Variants in CREB5 observed in about 807,000 individuals in gnomAD.
The protein encoded by CREB5 is cAMP responsive element binding protein 5, also known as cyclic AMP-responsive element-binding protein 5.
In CREB5, 19 loss-of-function variants were observed where a neutral mutation model predicts 57.1. That is an observed-to-expected ratio of 0.33 (90% CI 0.23 to 0.49). The LOEUF (loss-of-function observed/expected upper bound fraction) is 0.49, where lower values mean the gene tolerates loss of function less well. Ranked by LOEUF, CREB5 falls within the 20% of genes least tolerant of loss-of-function variation. The pLI is 0.99. For missense variants in CREB5, 579 were observed against 671.6 expected, an observed-to-expected ratio of 0.86 and a Z score of 1.52; for synonymous variants, 238 against 238.3, an observed-to-expected ratio of 1.00 and a Z score of 0.01.
intron 4 of CREB5, among the ~76,000 whole-genome samples, chr7:28,539,567 T>C (rs1427257364): frequency 6.6e-6 from 1 of 152,264 alleles, no homozygotes; most frequent in Admixed American, 6.5e-5. Flanking sequence ...TTTTATTCTA[T>C]ACAAATAAAA....
intron 4 of CREB5, among the ~76,000 whole-genome samples, chr7:28,510,627 G>T (rs1792667101): frequency 6.6e-6 from 1 of 152,202 alleles, no homozygotes. Flanking sequence ...TTGGGGAAAA[G>T]TCTGTTGTAC....
At chr7:28,620,989 T>C (rs1431806341) in intron 5 of CREB5, among the ~76,000 whole-genome samples, 1 of 152,110 alleles carries the variant, frequency 6.6e-6, no homozygotes, top group Non-Finnish European at 1.5e-5. Context: ...ATCCAAAAAG[T>C]TATGTTAAAT....
intron 5 of CREB5, among the ~76,000 whole-genome samples, chr7:28,576,624 A>G (rs1220577888): frequency 6.6e-6 from 1 of 152,224 alleles, no homozygotes; most frequent in Non-Finnish European, 1.5e-5. Flanking sequence ...CTATAGCATC[A>G]CAGAGAAGTG....
In CREB5 at chr7:28,642,951, TACAC is replaced by T. The variant is rs751628412; in HGVS notation, c.464+72446_464+72449del. 7.7e-3 allele frequency among the ~76,000 whole-genome samples: 688 copies of T among 89,598 alleles called. 4 individuals are homozygous for T. The highest frequency in any genetic ancestry group is 0.022 in the African/African-American group (480 of 21,574). 58.8% of individuals were successfully genotyped at this position (89,598 alleles called of 152,430 possible). The stretch of plus-strand genomic sequence containing the variant: ...AAACAGACCGAAAGGAGGGTAGATT[TACAC>T]ACACACACACACACACACACACACA... On this transcript the variant is annotated intron_variant, in intron 5 of 10. Coordinates refer to ENST00000357727, the MANE Select transcript of CREB5 (RefSeq NM_182898.4).
In CREB5 at chr7:28,570,423, T is replaced by C. The variant is rs765095165; in HGVS notation, c.350T>C (p.Leu117Pro). The change falls in exon 5 of 11, where the codon CTT becomes CCT. Residue 117 changes from leucine (L) to proline (P), a missense_variant. This residue lies in a region of CREB5 where 459 missense variants were observed against 515.7 expected (regional missense o/e 0.89). Coordinates refer to ENST00000357727, the MANE Select transcript of CREB5 (RefSeq NM_182898.4). Reference sequence around the variant, plus strand: ...ATGACGGGGCCCGGAACTCACCAGCTTAGCAGCGCTCGGCTGCCCAACCAT... The same window carrying C: ...ATGACGGGGCCCGGAACTCACCAGCCTAGCAGCGCTCGGCTGCCCAACCAT... ...GAMTGPGTHQ[L>P]SSARLPNHDT... 3.7e-6 allele frequency: 6 copies of C among 1,614,070 alleles called. No homozygotes were observed. The African/African-American group carries it at 8.0e-5, about 22-fold the overall frequency.
intron 5 of CREB5, among the ~76,000 whole-genome samples, chr7:28,690,094 A>G (rs1242347587): frequency 6.6e-6 from 1 of 152,156 alleles, no homozygotes; most frequent in African/African-American, 2.4e-5. Context: ...AAGGGGTCTA[A>G]TGCCCTTGCC....
At chr7:28,515,657 C>T (rs757833918) in intron 4 of CREB5, among the ~76,000 whole-genome samples, 41 of 152,106 alleles carry the variant, frequency 2.7e-4, no homozygotes, top group Non-Finnish European at 5.0e-4. Context: ...TCTTTCGTTC[C>T]ACTCCTTAGG....
Position 28,435,647 on chromosome 7 carries a change from G to T in CREB5, c.3+22730G>T, listed in dbSNP as rs906132357. The T allele has an allele frequency of 2.5e-5, 25 of 985,124 alleles. No homozygotes were observed. In the African/African-American group the frequency reaches 3.3e-4, roughly 13 times the overall value. 61.0% of individuals were successfully genotyped at this position (985,124 alleles called of 1,614,324 possible). A position where few individuals can be genotyped will look rare whatever the true frequency, so the allele number is the denominator to read the frequency against. On this transcript the variant is annotated intron_variant, in intron 1 of 10. Transcript: ENST00000357727. ...GGTGGAGTCAATTTATTTCTGAAAC[G>T]ATCTCATTTACCTGAATGAGGAGCT...
At chr7:28,444,678 T>C (rs1460738765) in intron 1 of CREB5, among the ~76,000 whole-genome samples, 2 of 152,178 alleles carry the variant, frequency 1.3e-5, no homozygotes, top group African/African-American at 4.8e-5. Context: ...TATAGCACAG[T>C]GAGAATTTCT....
At chr7:28,463,827 T>C (rs2128577352) in intron 1 of CREB5, among the ~76,000 whole-genome samples, 1 of 152,308 alleles carries the variant, frequency 6.6e-6, no homozygotes, top group East Asian at 1.9e-4. Context: ...AGTTGGATAA[T>C]TCCTTAGTTT....
intron 7 of CREB5, among the ~76,000 whole-genome samples, chr7:28,760,015 A>C (rs75194102): frequency 1.0e-3 from 159 of 152,342 alleles, no homozygotes; most frequent in African/African-American, 3.8e-3. Context: ...CCATGATGTC[A>C]GTTCTGATGC....
chr7:28,408,587 T>C (rs1787640837), upstream of CREB5, among the ~76,000 whole-genome samples: 1 of 152,180 alleles, frequency 6.6e-6, no homozygotes, highest in Admixed American at 6.6e-5. Flanking sequence ...CTTTCGGCTC[T>C]GACGCCGTGT....
chr7:28,649,404 A>T (rs41326), intron 5 of CREB5, among the ~76,000 whole-genome samples: 5,751 of 152,336 alleles, frequency 0.038, 367 homozygotes, highest in African/African-American at 0.13. Flanking sequence ...GTTTTATTGG[A>T]ACACAGCCCC....
At chr7:28,767,723 A>C (rs1484690642) in intron 7 of CREB5, among the ~76,000 whole-genome samples, 2 of 152,230 alleles carry the variant, frequency 1.3e-5, no homozygotes, top group Non-Finnish European at 2.9e-5. Flanking sequence ...TCATTTTCAC[A>C]ATTACTAAGT....
chr7:28,487,365 C>T (rs1185480914), intron 1 of CREB5, among the ~76,000 whole-genome samples: 1 of 152,186 alleles, frequency 6.6e-6, no homozygotes, highest in African/African-American at 2.4e-5. Context: ...GCATGAGCCA[C>T]CATGCCTGTC....
chr7:28,301,662 C>T (rs769013791), intron 1 of CREB5, among the ~76,000 whole-genome samples: 1 of 152,218 alleles, frequency 6.6e-6, no homozygotes, highest in Admixed American at 6.5e-5. Flanking sequence ...CTGGAAGACA[C>T]AGCCTGGCTA....
rs1213850474 is a variant in CREB5 at position 28,561,009 on chromosome 7, TGTGTGTGC to T, written c.292-9340_292-9333del. ...GCGTGTGTGTGCCTGCGTGTGCGTG[TGTGTGTGC>T]GTGTGTGCGTGTGTGTGTGTGTGTG... On this transcript the variant is annotated intron_variant, in intron 4 of 10. Transcript: ENST00000357727. Among the ~76,000 whole-genome samples, 10 of 49,282 alleles carry T rather than the reference TGTGTGTGC, an allele frequency of 2.0e-4. 3 individuals are homozygous for T. In the East Asian group the frequency reaches 3.9e-3, roughly 19 times the overall value. 32.3% of individuals were successfully genotyped at this position (49,282 alleles called of 152,430 possible).
chr7:28,579,177 G>T (rs553129785), intron 5 of CREB5, among the ~76,000 whole-genome samples: 8 of 152,120 alleles, frequency 5.3e-5, no homozygotes, highest in Non-Finnish European at 1.2e-4. Flanking sequence ...ATGCTTTCTC[G>T]TAGCTCAAAT....
chr7:28,309,109 G>C (rs1017143666), intron 1 of CREB5, among the ~76,000 whole-genome samples: 2 of 152,092 alleles, frequency 1.3e-5, no homozygotes, highest in African/African-American at 4.8e-5. Flanking sequence ...CTTATGGCTG[G>C]AACTGTAGCA....
Sources: allele counts gnomAD v4.1 joint callset (sites outside exome capture counted in the v4.1 genomes callset), GRCh38; gene constraint gnomAD v4.1.1; regional missense constraint gnomAD v4.1.1; transcripts MANE v1.5; gene names NCBI Gene and HGNC (gene_info 2026-07-23, HGNC 2026-07-21).